Variants in FASTKD3 observed in about 807,000 individuals in gnomAD.
The protein encoded by FASTKD3 is FAST kinase domains 3, also known as FAST kinase domain-containing protein 3, mitochondrial.
In FASTKD3, 47 loss-of-function variants were observed where a neutral mutation model predicts 49.7. The observed-to-expected ratio is 0.95, with a 90% CI of 0.75 to 1.21. The LOEUF (loss-of-function observed/expected upper bound fraction) is 1.21, where lower values mean the gene tolerates loss of function less well. FASTKD3 is among the 50% of genes most tolerant of loss of function. The probability of loss-of-function intolerance (pLI) is 0.00; values close to 1 mark genes in which losing one functional copy is unlikely to be tolerated. For synonymous variants in FASTKD3, 284 were observed against 288.6 expected, an observed-to-expected ratio of 0.98 and a Z score of 0.16; for missense variants, 748 against 765.7, an observed-to-expected ratio of 0.98 and a Z score of 0.27.
Position 7,859,471 on chromosome 5 carries a change from C to A in FASTKD3, c.1953G>T (p.Leu651=). 6.2e-7 allele frequency: 1 copy of A among 1,606,856 alleles called. No homozygotes were observed. Among genetic ancestry groups the A allele is most frequent in the Non-Finnish European group, 8.5e-7 (1 of 1,176,472 alleles). ...RELVEYLQRK[L]FSQNTVHWLQ... Reference sequence around the variant, plus strand: ...ACCAATGAACAGTGTTTTGAGAAAACAGTTTTCTTTGTAAATATTCCACCA... The same window carrying A: ...ACCAATGAACAGTGTTTTGAGAAAAAAGTTTTCTTTGTAAATATTCCACCA... The change falls in exon 7 of 7, where the codon CTG becomes CTT. Residue 651 remains leucine (L), a synonymous_variant. Transcript: ENST00000264669.
chr5:7,861,504 A>G (rs1579533145), intron 5 of FASTKD3, 79 bp downstream of exon 5: 8 of 1,043,662 alleles, frequency 7.7e-6, no homozygotes, highest in East Asian at 5.5e-5. Context: ...TATTTTTTTC[A>G]CCTTCTTGAG....
chr5:7,866,654 C>A lies in FASTKD3; in HGVS notation c.1430G>T (p.Arg477Leu). 6.3e-7 allele frequency: 1 copy of A among 1,580,740 alleles called. No homozygotes were observed. Among genetic ancestry groups the A allele is most frequent in the South Asian group, 1.2e-5 (1 of 84,488 alleles). ...ATTTATAACCAACTCACCTTGCAGC[C>A]GTTGAAGGAAAAGAGGCTTGAATAT... The part of the protein sequence containing the change: ...AKIFKPLFLQ[R>L]LQGKESHLDT... The change falls in exon 2 of 7, where the codon CGG (arginine) becomes CTG (leucine). Residue 477 changes from arginine to leucine, a missense_variant. By Grantham distance (102) the Arg-to-Leu change is moderately radical. Coordinates refer to ENST00000264669, the MANE Select transcript of FASTKD3 (RefSeq NM_024091.4).
intron 6 of FASTKD3, among the ~76,000 whole-genome samples, 186 bp downstream of exon 6, chr5:7,860,963 A>G (rs975422057): frequency 1.3e-5 from 2 of 152,190 alleles, no homozygotes; most frequent in African/African-American, 2.4e-5. Context: ...TGTTCTTCCT[A>G]TAAAAGCCTC....
In FASTKD3 at chr5:7,867,883, C is replaced by T. The variant is rs764113909; in HGVS notation, c.201G>A (p.Ser67=). Residue 67 remains serine, a synonymous_variant, in exon 2 of 7, where the codon TCG becomes TCA. Transcript: ENST00000264669. ...FHHAHCKKFH[S]KNGNDLHPLG... is the part of the protein sequence containing the mutation. ...GTGGATGAAGGTCATTTCCATTTTT[C>T]GAATGAAACTTTTTACAATGGGCAT... is the stretch of plus-strand genomic sequence containing the variant. The T allele has an allele frequency of 2.5e-6, 4 of 1,613,998 alleles. No homozygotes were observed. The highest frequency in any genetic ancestry group is 1.7e-5 in the Admixed American group (1 of 59,996).
In FASTKD3 at chr5:7,866,895, C is replaced by T. The variant is rs1746995831; in HGVS notation, c.1189G>A (p.Val397Ile). ...PILNAVAETF[V>I]CQTEKFSPRQ... is the part of the protein sequence containing the mutation. ...GGTGAAAATTTTTCTGTTTGGCAAACAAAAGTTTCTGCCACTGCATTGAGG... is the reference window on the plus strand; with the variant it reads ...GGTGAAAATTTTTCTGTTTGGCAAATAAAAGTTTCTGCCACTGCATTGAGG... Residue 397 changes from valine (V) to isoleucine (I), a missense_variant, in exon 2 of 7, where the codon GTT (valine) becomes ATT (isoleucine). By Grantham distance (29) the Val-to-Ile change is conservative. Coordinates refer to ENST00000264669, the MANE Select transcript of FASTKD3 (RefSeq NM_024091.4). The T allele has an allele frequency of 6.2e-7, 1 of 1,613,980 alleles. No individual in the cohort carries two copies. The highest frequency in any genetic ancestry group is 1.1e-5 in the South Asian group (1 of 91,080).
chr5:7,867,283 A>C lies in FASTKD3; in HGVS notation c.801T>G (p.Thr267=). The part of the protein sequence containing the change: ...VALYRILQAC[T]EKVDEHQTFL... Reference sequence around the variant, plus strand: ...ATGTTTGGTGTTCATCCACTTTTTCAGTACATGCCTGCAAGATTCTATAAA... The same window carrying C: ...ATGTTTGGTGTTCATCCACTTTTTCCGTACATGCCTGCAAGATTCTATAAA... Residue 267 remains threonine, a synonymous_variant, in exon 2 of 7, where the codon ACT becomes ACG. Transcript: ENST00000264669. The C allele has an allele frequency of 6.2e-7, 1 of 1,613,760 alleles. No homozygotes were observed. Among genetic ancestry groups the C allele is most frequent in the Admixed American group, 1.7e-5 (1 of 60,030 alleles).
chr5:7,864,360 GAT>G (rs1746779900), intron 3 of FASTKD3, among the ~76,000 whole-genome samples: 2 of 151,918 alleles, frequency 1.3e-5, no homozygotes, highest in African/African-American at 4.8e-5. Context: ...AAATTTAAAA[GAT>G]ATTATTTTTA....
chr5:7,859,187 T>C lies in FASTKD3; in HGVS notation c.*248A>G, dbSNP rs1746360069. The C allele has an allele frequency of 3.8e-6, 1 of 264,820 alleles. No individual in the cohort carries two copies. The highest frequency in any genetic ancestry group is 7.0e-6 in the Non-Finnish European group (1 of 142,682). 16.4% of individuals were successfully genotyped at this position (264,820 alleles called of 1,614,324 possible). A position where few individuals can be genotyped will look rare whatever the true frequency, so the allele number is the denominator to read the frequency against. On this transcript the variant is annotated 3_prime_UTR_variant, in exon 7 of 7. Coordinates refer to ENST00000264669, the MANE Select transcript of FASTKD3 (RefSeq NM_024091.4). ...TTAAAAATAACATTTATTCATTGAATTCCTTTACAGCACATGATCAATTGT... is the reference window on the plus strand; with the variant it reads ...TTAAAAATAACATTTATTCATTGAACTCCTTTACAGCACATGATCAATTGT...
In FASTKD3 at chr5:7,867,042, C is replaced by T. The variant is rs781185797; in HGVS notation, c.1042G>A (p.Asp348Asn). Residue 348 changes from aspartate to asparagine, a missense_variant, in exon 2 of 7, where the codon GAC becomes AAC. By Grantham distance (23) the Asp-to-Asn change is conservative (BLOSUM62 1). Coordinates refer to ENST00000264669, the MANE Select transcript of FASTKD3 (RefSeq NM_024091.4). Reference protein sequence around the residue: ...LEAFIYFGHHDTFFTKALEHR... With the variant: ...LEAFIYFGHHNTFFTKALEHR... ...TCTAGGGCTTTTGTAAAAAATGTGT[C>T]ATGGTGCCCAAAATATATGAACGCC... is the stretch of plus-strand genomic sequence containing the variant. 1 of 1,614,186 alleles carries T rather than the reference C, an allele frequency of 6.2e-7. No individual in the cohort carries two copies. The highest frequency in any genetic ancestry group is 1.1e-5 in the South Asian group (1 of 91,072).
At chr5:7,860,043 G>A (rs1746420103) in intron 6 of FASTKD3, among the ~76,000 whole-genome samples, 1 of 152,144 alleles carries the variant, frequency 6.6e-6, no homozygotes, top group South Asian at 2.1e-4. Context: ...GGAGCAGAGG[G>A]GCCAGGTAGT....
rs770743347 is a variant in FASTKD3 at position 7,867,258 on chromosome 5, ATGTT to A, written c.822_825del (p.Gln274HisfsTer3). 1 of 1,613,942 alleles carries A rather than the reference ATGTT, an allele frequency of 6.2e-7. No homozygotes were observed. The highest frequency in any genetic ancestry group is 1.6e-4 in the Middle Eastern group (1 of 6,062). ...GAAAAGTTGTTTATCTTATTTAAAA[ATGTT>A]TGGTGTTCATCCACTTTTTCAGTAC... On this transcript the variant is annotated frameshift_variant, in exon 2 of 7. Transcript: ENST00000264669. LOFTEE classifies it high-confidence loss of function.
In FASTKD3 at chr5:7,868,989, C is replaced by T. The variant is rs780059102; in HGVS notation, c.-124G>A. ...CGCGTTGACACCTACCGCGCTCTGCCGGGCAATCACTCCGGGTGGTCGCGG... is the reference window on the plus strand; with the variant it reads ...CGCGTTGACACCTACCGCGCTCTGCTGGGCAATCACTCCGGGTGGTCGCGG... On this transcript the variant is annotated 5_prime_UTR_variant, in exon 1 of 7. Transcript: ENST00000264669. 2.1e-6 allele frequency: 2 copies of T among 933,154 alleles called. No individual in the cohort carries two copies. The highest frequency in any genetic ancestry group is 1.3e-5 in the South Asian group (1 of 76,204). 57.8% of individuals were successfully genotyped at this position (933,154 alleles called of 1,614,324 possible).
chr5:7,862,717 C>G, intron 4 of FASTKD3, 106 bp downstream of exon 4: 1 of 961,924 alleles, frequency 1.0e-6, no homozygotes, highest in Non-Finnish European at 1.6e-6. Context: ...AGGGACCATT[C>G]CATTTTGCAT....
intron 6 of FASTKD3, 97 bp from the exon 7 acceptor site, chr5:7,859,636 C>T: frequency 1.4e-6 from 1 of 716,516 alleles, no homozygotes; most frequent in Non-Finnish European, 2.3e-6. Flanking sequence ...CGCTTCCCCA[C>T]AGCGGAATGT....
chr5:7,866,723 G>A lies in FASTKD3; in HGVS notation c.1361C>T (p.Ser454Leu), dbSNP rs1746980889. The change falls in exon 2 of 7, where the codon TCA becomes TTA. Residue 454 changes from serine (S) to leucine (L), a missense_variant. Physicochemically the swap from Ser to Leu is moderately radical, Grantham distance 145 (BLOSUM62 -2). Coordinates refer to ENST00000264669, the MANE Select transcript of FASTKD3 (RefSeq NM_024091.4). Reference sequence around the variant, plus strand: ...TGGATGGCATTCATTAAGTGAACATGAATGAAGAAGTTTCAATAATGATTT... The same window carrying A: ...TGGATGGCATTCATTAAGTGAACATAAATGAAGAAGTTTCAATAATGATTT... ...PPKSLLKLLH[S>L]CSLNECHPVN... is the part of the protein sequence containing the mutation. 5 of 1,613,596 alleles carry A rather than the reference G, an allele frequency of 3.1e-6. No homozygotes were observed. Among genetic ancestry groups the A allele is most frequent in the Non-Finnish European group, 4.2e-6 (5 of 1,179,856 alleles).
intron 4 of FASTKD3, 23 bp from the exon 5 acceptor site, chr5:7,861,675 A>AT (rs777141210): frequency 1.2e-6 from 2 of 1,601,806 alleles, no homozygotes. Context: ...GAAAGGAAAA[A>AT]TTCCTCGTGT....
In FASTKD3 at chr5:7,859,372, C is replaced by T; in HGVS notation, c.*63G>A. 1 of 994,532 alleles carries T rather than the reference C, an allele frequency of 1.0e-6. No homozygotes were observed. The highest frequency in any genetic ancestry group is 1.5e-6 in the Non-Finnish European group (1 of 665,080). The allele number at this position is 994,532 out of a possible 1,614,324, so 61.6% of individuals were successfully genotyped here. On this transcript the variant is annotated 3_prime_UTR_variant, in exon 7 of 7. Coordinates refer to ENST00000264669, the MANE Select transcript of FASTKD3 (RefSeq NM_024091.4). ...AGTGGCTAATTCACATTATATTTTT[C>T]TTTTAATACTGAGTTCCATAAAAAT... is the stretch of plus-strand genomic sequence containing the variant.
Position 7,864,011 on chromosome 5 carries a change from G to A in FASTKD3, c.1525-1014C>T, listed in dbSNP as rs1164700608. 3.9e-5 allele frequency among the ~76,000 whole-genome samples: 6 copies of A among 151,946 alleles called. No homozygotes were observed. In the East Asian group the frequency reaches 9.7e-4, roughly 24 times the overall value. On this transcript the variant is annotated intron_variant, in intron 3 of 6. Coordinates refer to ENST00000264669, the MANE Select transcript of FASTKD3 (RefSeq NM_024091.4). ...ACTACAGGCGTGTGCCATCATGCCCGGCTAATTTTTTGTATTTTTAGTAGA... is the reference window on the plus strand; with the variant it reads ...ACTACAGGCGTGTGCCATCATGCCCAGCTAATTTTTTGTATTTTTAGTAGA...
intron 6 of FASTKD3, among the ~76,000 whole-genome samples, chr5:7,859,868 G>A (rs1224181437): frequency 1.3e-5 from 2 of 152,236 alleles, no homozygotes; most frequent in East Asian, 3.8e-4. Context: ...GTAGGTTGGT[G>A]ATCTAGTGCT....
Sources: gnomAD v4.1 joint callset for allele counts (sites outside exome capture counted in the v4.1 genomes callset) on GRCh38, gnomAD v4.1.1 for gene constraint, MANE v1.5 for transcripts, NCBI Gene and HGNC (gene_info 2026-07-23, HGNC 2026-07-21) for gene names.